Variants in LINGO1 observed in about 807,000 individuals in gnomAD.
LINGO1 encodes the protein leucine rich repeat and Ig domain containing 1.
A neutral mutation model predicts 37.3 loss-of-function variants in LINGO1; 11 were observed. That is an observed-to-expected ratio of 0.29 (90% CI 0.19 to 0.49). The LOEUF (loss-of-function observed/expected upper bound fraction) is 0.49, where lower values mean the gene tolerates loss of function less well. Among genes scored for constraint, LINGO1 ranks in the 20% least tolerant of loss-of-function variants. LINGO1 has a pLI of 0.99. For synonymous variants in LINGO1, 387 were observed against 403.0 expected (o/e 0.96, Z 0.48); for missense variants, 585 against 878.2 (o/e 0.67, Z 4.22).
At chr15:77,766,804 G>T (rs1245139499) in intron 1 of LINGO1, among the ~76,000 whole-genome samples, 1 of 152,150 alleles carries the variant, frequency 6.6e-6, no homozygotes, top group Admixed American at 6.5e-5. Flanking sequence ...TTTCTTCATA[G>T]CAGTGTGAGA....
chr15:77,631,045 C>G (rs531140231), intron 1 of LINGO1, among the ~76,000 whole-genome samples: 2 of 152,210 alleles, frequency 1.3e-5, no homozygotes, highest in African/African-American at 2.4e-5. Flanking sequence ...GCAGCTGGCC[C>G]TCTTCTCCTC....
intron 1 of LINGO1, among the ~76,000 whole-genome samples, chr15:77,812,320 C>G (rs1008097608): frequency 2.0e-5 from 3 of 152,208 alleles, no homozygotes; most frequent in Admixed American, 2.0e-4. Context: ...ATACCCCTAC[C>G]GGTGGAGCAG....
chr15:77,678,191 T>C (rs1412870454), intron 2 of LINGO1, among the ~76,000 whole-genome samples: 2 of 152,240 alleles, frequency 1.3e-5, no homozygotes, highest in Admixed American at 1.3e-4. Flanking sequence ...TGAGGTATAA[T>C]TACCCCACAG....
At chr15:77,742,215 G>A (rs1281684538) in intron 1 of LINGO1, among the ~76,000 whole-genome samples, 4 of 152,208 alleles carry the variant, frequency 2.6e-5, no homozygotes, top group Non-Finnish European at 5.9e-5. Flanking sequence ...GGAGGAGAGT[G>A]TTCTCTCCAA....
chr15:77,779,384 T>C (rs1000845374), intron 1 of LINGO1, among the ~76,000 whole-genome samples: 9 of 152,168 alleles, frequency 5.9e-5, no homozygotes, highest in South Asian at 2.1e-4. Context: ...ATTACATTTA[T>C]TGTGCACTTG....
At chr15:77,799,049 G>C (rs552939839) in intron 1 of LINGO1, among the ~76,000 whole-genome samples, 19 of 152,142 alleles carry the variant, frequency 1.2e-4, no homozygotes, top group Non-Finnish European at 2.4e-4. Context: ...GTACAGATTG[G>C]GAGACTGAGG....
At chr15:77,713,361 AGCCACTGT>A (rs902803580) in intron 2 of LINGO1, among the ~76,000 whole-genome samples, 19 of 151,920 alleles carry the variant, frequency 1.3e-4, no homozygotes, top group Non-Finnish European at 2.2e-4. Context: ...TACAAGCGTG[AGCCACTGT>A]GCCCAGCCTA....
intron 2 of LINGO1, among the ~76,000 whole-genome samples, chr15:77,714,430 C>T (rs2075958596): frequency 6.6e-6 from 1 of 152,176 alleles, no homozygotes; most frequent in South Asian, 2.1e-4. Flanking sequence ...GAAAATATCC[C>T]ACAGCCCCAG....
chr15:77,806,457 C>A (rs2076960459), intron 1 of LINGO1, among the ~76,000 whole-genome samples: 1 of 152,130 alleles, frequency 6.6e-6, no homozygotes, highest in Non-Finnish European at 1.5e-5. Context: ...TTCAAATCCC[C>A]TCCCCAGCTC....
intron 1 of LINGO1, among the ~76,000 whole-genome samples, chr15:77,770,907 C>T (rs2076578634): frequency 1.3e-5 from 2 of 152,214 alleles, no homozygotes; most frequent in Non-Finnish European, 1.5e-5. Flanking sequence ...GGGAAGTGGG[C>T]GCGGAAGCAG....
chr15:77,727,181 T>C (rs1182757316), intron 2 of LINGO1, among the ~76,000 whole-genome samples: 1 of 152,234 alleles, frequency 6.6e-6, no homozygotes, highest in Non-Finnish European at 1.5e-5. Flanking sequence ...AAATTAAAAA[T>C]AGAATTACCA....
chr15:77,722,424 G>GGAATGAGCA (rs1383926344), intron 2 of LINGO1, among the ~76,000 whole-genome samples: 1 of 152,236 alleles, frequency 6.6e-6, no homozygotes, highest in Non-Finnish European at 1.5e-5. Flanking sequence ...AGAGGAAAGA[G>GGAATGAGCA]GAATGAGCAC....
chr15:77,758,396 A>C (rs558050247), intron 1 of LINGO1, among the ~76,000 whole-genome samples: 4 of 152,116 alleles, frequency 2.6e-5, no homozygotes, highest in Non-Finnish European at 5.9e-5. Context: ...CAGCTTCCAA[A>C]GCCAACTCAC....
intron 1 of LINGO1, among the ~76,000 whole-genome samples, chr15:77,692,081 C>G (rs1040428061): frequency 6.6e-6 from 1 of 152,228 alleles, no homozygotes; most frequent in African/African-American, 2.4e-5. Flanking sequence ...TACAGCTGCC[C>G]TTTGTGCCAT....
At chr15:77,689,928 C>T (rs76445304) in intron 2 of LINGO1, among the ~76,000 whole-genome samples, 1,789 of 152,350 alleles carry the variant, frequency 0.012, 42 homozygotes, top group African/African-American at 0.04. Context: ...AGATGTCAGA[C>T]CTTTCTGTAC....
At chr15:77,788,730 C>CA (rs1259970099), upstream of LINGO1, 1 of 152,192 alleles carries the variant, frequency 6.6e-6, no homozygotes, top group Non-Finnish European at 1.5e-5. Flanking sequence ...AGGCCTGTGA[C>CA]AAAAACAGGC....
intron 1 of LINGO1, among the ~76,000 whole-genome samples, chr15:77,759,285 C>T (rs1401738227): frequency 1.3e-5 from 2 of 152,210 alleles, no homozygotes; most frequent in African/African-American, 4.8e-5. Flanking sequence ...CACCCTTGGG[C>T]CTGAGAGTGA....
At chr15:77,618,407 A>G (rs1019779047) in intron 1 of LINGO1, among the ~76,000 whole-genome samples, 3 of 152,170 alleles carry the variant, frequency 2.0e-5, no homozygotes, top group Non-Finnish European at 4.4e-5. Flanking sequence ...GTTCTGGAGA[A>G]CTGTCCCAGA....
At position 77,614,154 on chromosome 15, in the gene LINGO1, C is replaced by T. The variant is rs2073603226; in HGVS notation, c.1753G>A (p.Gly585Ser). The change falls in exon 2 of 2, where the codon GGC (glycine) becomes AGC (serine). Residue 585 changes from glycine (G) to serine (S), a missense_variant. This residue lies in a region of LINGO1 where 34 missense variants were observed against 62.0 expected (regional missense o/e 0.55). Transcript: ENST00000355300. ...ATGTTGTGCTTTGTGTTGCCCTTGC[C>T]CCGGCTCCAGAGAAACAGCAGCACC... ...CLVLLFLWSR[G>S]KGNTKHNIEI... The T allele has an allele frequency of 1.9e-6, 3 of 1,613,854 alleles. No individual in the cohort carries two copies. The highest frequency in any genetic ancestry group is 2.2e-5 in the South Asian group (2 of 91,084).
Sources: allele counts gnomAD v4.1 joint callset (sites outside exome capture counted in the v4.1 genomes callset), GRCh38; gene constraint gnomAD v4.1.1; regional missense constraint gnomAD v4.1.1; transcripts MANE v1.5; gene names NCBI Gene and HGNC (gene_info 2026-07-23, HGNC 2026-07-21).